The following ZNF10 variants were observed in gnomAD, a reference collection of about 807,000 sequenced individuals.
ZNF10 encodes the protein zinc finger protein 10.
Under a neutral mutation model 12.2 loss-of-function variants are expected in ZNF10, and 8 were observed. The observed-to-expected ratio is 0.66, with a 90% CI of 0.39 to 1.18. The LOEUF is 1.18. Ranked by LOEUF, ZNF10 falls within the 50% of genes most tolerant of loss-of-function variation. The probability of loss-of-function intolerance (pLI) is 0.01; values close to 1 mark genes in which losing one functional copy is unlikely to be tolerated. For missense variants in ZNF10, 603 were observed against 678.9 expected (o/e 0.89, Z 1.24); for synonymous variants, 229 against 228.2 (o/e 1.00, Z -0.03).
chr12:133,135,396 T>A (rs979831796), intron 1 of ZNF10, among the ~76,000 whole-genome samples: 45 of 150,710 alleles, frequency 3.0e-4, no homozygotes, highest in Non-Finnish European at 8.8e-5. Context: ...AAACAGGAAA[T>A]AAATAATGCT....
intron 2 of ZNF10, among the ~76,000 whole-genome samples, chr12:133,145,342 C>T (rs544194081): frequency 4.6e-5 from 7 of 152,314 alleles, no homozygotes; most frequent in Middle Eastern, 3.4e-3. Context: ...TATATACCTT[C>T]TTGGCATGTC....
intron 1 of ZNF10, among the ~76,000 whole-genome samples, chr12:133,132,477 CATCTT>C (rs988754354): frequency 2.6e-5 from 4 of 151,784 alleles, no homozygotes; most frequent in African/African-American, 4.8e-5. Context: ...TTGAGATACA[CATCTT>C]AAATTAACAA....
intron 1 of ZNF10, chr12:133,143,836 T>G (rs1391037638): frequency 7.0e-6 from 1 of 143,022 alleles, no homozygotes; most frequent in Non-Finnish European, 1.5e-5. Context: ...TCACCTGGAC[T>G]GAGTTCTCAT....
chr12:133,148,116 A>G (rs1296331765), intron 2 of ZNF10, among the ~76,000 whole-genome samples: 5 of 151,726 alleles, frequency 3.3e-5, no homozygotes, highest in Admixed American at 6.6e-5. Flanking sequence ...TCAATTTTCT[A>G]TTTGTTCTTT....
At chr12:133,132,069 C>T (rs1019680555) in intron 1 of ZNF10, among the ~76,000 whole-genome samples, 1 of 152,062 alleles carries the variant, frequency 6.6e-6, no homozygotes, top group Admixed American at 6.6e-5. Context: ...GATTGCCGTC[C>T]TCAACAAGTT....
At chr12:133,151,004 A>G in intron 2 of ZNF10, 24 bp from the exon 3 acceptor site, 3 of 1,608,890 alleles carry the variant, frequency 1.9e-6, no homozygotes, top group East Asian at 2.2e-5. Flanking sequence ...ATCTGGTGCA[A>G]TGCAAATGTG....
intron 1 of ZNF10, among the ~76,000 whole-genome samples, chr12:133,137,871 C>T (rs1258621661): frequency 1.3e-5 from 2 of 152,190 alleles, no homozygotes; most frequent in Admixed American, 6.5e-5. Flanking sequence ...AGTATCCCTG[C>T]TCTGAGAATG....
At chr12:133,146,460 T>C (rs1027915538) in intron 2 of ZNF10, among the ~76,000 whole-genome samples, 14 of 152,224 alleles carry the variant, frequency 9.2e-5, no homozygotes, top group African/African-American at 3.1e-4. Flanking sequence ...TTTAAAATTT[T>C]TTTTTTACAT....
At chr12:133,139,617 G>A (rs894299076) in intron 1 of ZNF10, among the ~76,000 whole-genome samples, 1 of 152,186 alleles carries the variant, frequency 6.6e-6, no homozygotes, top group African/African-American at 2.4e-5. Context: ...AAGAAGTCAA[G>A]TAGGAGGTCT....
intron 1 of ZNF10, among the ~76,000 whole-genome samples, chr12:133,140,590 G>T (rs1566345326): frequency 6.6e-6 from 1 of 151,802 alleles, no homozygotes; most frequent in Non-Finnish European, 1.5e-5. Context: ...TGTCTGTTTT[G>T]TTGTTGTTGG....
chr12:133,149,991 A>G (rs1340657859), intron 2 of ZNF10, among the ~76,000 whole-genome samples: 1 of 152,212 alleles, frequency 6.6e-6, no homozygotes, highest in Non-Finnish European at 1.5e-5. Context: ...GCCTTACAAC[A>G]TGTGGGTCCC....
chr12:133,136,332 T>G (rs574950508), intron 1 of ZNF10, among the ~76,000 whole-genome samples: 5 of 152,344 alleles, frequency 3.3e-5, no homozygotes, highest in African/African-American at 9.6e-5. Flanking sequence ...ATTGTGGAAT[T>G]TGTCTGCTGT....
Position 133,155,898 on chromosome 12 carries a change from A to T in ZNF10, c.652A>T (p.Thr218Ser). The T allele has an allele frequency of 6.2e-7, 1 of 1,613,880 alleles. No individual in the cohort carries two copies. The highest frequency in any genetic ancestry group is 8.5e-7 in the Non-Finnish European group (1 of 1,179,894). ...CASNSNECGQ[T>S]FCQNIHLIQF... Reference sequence around the variant, plus strand: ...AAGTAACAGTAATGAATGTGGTCAAACTTTCTGTCAAAACATTCACCTTAT... The same window carrying T: ...AAGTAACAGTAATGAATGTGGTCAATCTTTCTGTCAAAACATTCACCTTAT... Residue 218 changes from threonine to serine, a missense_variant, in exon 5 of 5, where the codon ACT becomes TCT. Transcript: ENST00000248211.
chr12:133,136,358 G>A (rs1223827712), intron 1 of ZNF10, among the ~76,000 whole-genome samples: 1 of 152,048 alleles, frequency 6.6e-6, no homozygotes, highest in African/African-American at 2.4e-5. Context: ...CTAGTGTATT[G>A]AAACTGATCT....
At chr12:133,134,461 C>T (rs1300603610) in intron 1 of ZNF10, among the ~76,000 whole-genome samples, 2 of 151,744 alleles carry the variant, frequency 1.3e-5, no homozygotes, top group Non-Finnish European at 2.9e-5. Flanking sequence ...AGACACTGGA[C>T]GGGGGCAAGG....
At chr12:133,148,513 A>G (rs1210777013) in intron 2 of ZNF10, among the ~76,000 whole-genome samples, 2 of 152,192 alleles carry the variant, frequency 1.3e-5, no homozygotes, top group Non-Finnish European at 2.9e-5. Flanking sequence ...CAGAAGTTTT[A>G]TAAATTTATA....
intron 1 of ZNF10, among the ~76,000 whole-genome samples, chr12:133,136,554 A>G (rs1955913085): frequency 6.6e-6 from 1 of 151,910 alleles, no homozygotes; most frequent in South Asian, 2.1e-4. Flanking sequence ...TTTCTCTATA[A>G]TCCTGGTCCT....
rs527352900 is a variant in ZNF10, at chr12:133,146,423, A to G, written c.33+1898A>G. On this transcript the variant is annotated intron_variant, in intron 2 of 4. Transcript: ENST00000248211. Reference sequence around the variant, plus strand: ...CTGGAGGGAAGGAGAGAAGATATCCAGCATACAGATCTCATAGGACATTCC... The same window carrying G: ...CTGGAGGGAAGGAGAGAAGATATCCGGCATACAGATCTCATAGGACATTCC... Among the ~76,000 whole-genome samples the G allele has an allele frequency of 1.2e-4, 18 of 152,360 alleles. No individual in the cohort carries two copies. The South Asian group carries it at 3.1e-3, about 26-fold the overall frequency.
At chr12:133,153,324 A>G (rs1303235416) in intron 4 of ZNF10, among the ~76,000 whole-genome samples, 3 of 152,186 alleles carry the variant, frequency 2.0e-5, no homozygotes, top group Non-Finnish European at 4.4e-5. Context: ...GATGGGTCCA[A>G]CAGACTTCGA....
Sources: allele counts gnomAD v4.1 joint callset (sites outside exome capture counted in the v4.1 genomes callset), GRCh38; gene constraint gnomAD v4.1.1; transcripts MANE v1.5; gene names NCBI Gene and HGNC (gene_info 2026-07-23, HGNC 2026-07-21).